Variants in FGD5 observed in about 807,000 individuals in gnomAD.
FGD5 encodes the protein FYVE, RhoGEF and PH domain containing 5, also known as FYVE, RhoGEF and PH domain-containing protein 5.
In FGD5, 28 loss-of-function variants were observed where a neutral mutation model predicts 133.4. That is an observed-to-expected ratio of 0.21 (90% CI 0.16 to 0.29). The LOEUF (loss-of-function observed/expected upper bound fraction) is 0.29, where lower values mean the gene tolerates loss of function less well. Ranked by LOEUF, FGD5 falls within the 10% of genes least tolerant of loss-of-function variation. The pLI, the probability that FGD5 is intolerant of heterozygous loss-of-function variation, is 1.00. For synonymous variants in FGD5, 810 were observed against 776.5 expected, an observed-to-expected ratio of 1.04 and a Z score of -0.72; for missense variants, 1,858 against 1,895.2, an observed-to-expected ratio of 0.98 and a Z score of 0.36.
chr3:14,815,829 CG>C (rs1381953847), upstream of FGD5, among the ~76,000 whole-genome samples: 2 of 152,170 alleles, frequency 1.3e-5, no homozygotes, highest in Non-Finnish European at 2.9e-5. Context: ...ACTAGAAAGC[CG>C]GAAACGCAGG....
intron 1 of FGD5, among the ~76,000 whole-genome samples, chr3:14,855,085 G>A (rs1237690437): frequency 6.6e-6 from 1 of 151,806 alleles, no homozygotes; most frequent in African/African-American, 2.4e-5. Context: ...CTTTTTTTTA[G>A]TTTCCACATA....
rs1331246270 is a variant in FGD5 at position 14,819,227 on chromosome 3, C to A, written c.156C>A (p.Ser52=). ...GGGGGCTTGATGAGGGGCCCCGGTC[C>A]ATCCCAAAGTGCTCTGAGTCGGAGA... The part of the protein sequence containing the change: ...VDRGLDEGPR[S]IPKCSESETD... The change falls in exon 1 of 20, where the codon TCC becomes TCA. Residue 52 remains serine (S), a synonymous_variant. Transcript: ENST00000285046. This position sits in a 1 kb window ranked among gnomAD's most constrained non-coding sequence, Gnocchi z 4.1. The A allele has an allele frequency of 2.3e-5, 35 of 1,546,216 alleles. No homozygotes were observed. Among genetic ancestry groups the A allele is most frequent in the Non-Finnish European group, 3.0e-5 (34 of 1,144,978 alleles).
chr3:14,900,881 TG>T lies in FGD5; in HGVS notation c.3206-121del, dbSNP rs2038225629. 2.9e-6 allele frequency: 3 copies of T among 1,043,830 alleles called. No homozygotes were observed. The African/African-American group carries it at 4.7e-5, about 16-fold the overall frequency. 64.7% of individuals were successfully genotyped at this position (1,043,830 alleles called of 1,614,324 possible). A position where few individuals can be genotyped will look rare whatever the true frequency, so the allele number is the denominator to read the frequency against. On this transcript the variant is annotated intron_variant, in intron 8 of 19. Coordinates refer to ENST00000285046, the MANE Select transcript of FGD5 (RefSeq NM_152536.4). ...GCATGCATGACAGTGGTCAAATCAC[TG>T]TCAAGGTCACCTAGGCAGTAGTGGC...
At chr3:14,847,121 A>C (rs1467158338) in intron 1 of FGD5, among the ~76,000 whole-genome samples, 1 of 152,192 alleles carries the variant, frequency 6.6e-6, no homozygotes, top group Non-Finnish European at 1.5e-5. Context: ...CAGATTATTA[A>C]CACCATACTG....
intron 1 of FGD5, among the ~76,000 whole-genome samples, chr3:14,846,606 C>T (rs907809938): frequency 1.3e-5 from 2 of 152,228 alleles, no homozygotes; most frequent in East Asian, 3.9e-4. Context: ...CCTGACATGT[C>T]CCTGTGCTGG....
rs2038366430 is a variant in FGD5 at position 14,907,689 on chromosome 3, G to C, written c.3314G>C (p.Gly1105Ala). ...VHIEHSVRGQ[G>A]DLLQPGREFL... ...ATTGAGCACAGCGTCCGGGGCCAAG[G>C]GGATCTCCTCCAGCCAGGAAGGGTG... Residue 1105 changes from glycine (G) to alanine (A), a missense_variant, in exon 10 of 20, where the codon GGG becomes GCG. By Grantham distance (60) the Gly-to-Ala change is moderately conservative (BLOSUM62 0). Around this residue, in one of 3 missense-constraint regions of FGD5, gnomAD observed 1,824 missense variants for 1,848.9 expected, o/e 0.99. Transcript: ENST00000285046. The C allele has an allele frequency of 2.5e-6, 4 of 1,613,604 alleles. No homozygotes were observed. Among genetic ancestry groups the C allele is most frequent in the Non-Finnish European group, 3.4e-6 (4 of 1,179,744 alleles).
At chr3:14,869,263 T>C (rs4685222) in intron 2 of FGD5, among the ~76,000 whole-genome samples, 103,740 of 151,934 alleles carry the variant, frequency 0.68, 35,679 homozygotes, top group African/African-American at 0.77. Flanking sequence ...CACTGCACTC[T>C]AACCTGGGCG....
Position 14,934,180 on chromosome 3 carries a change from T to C in FGD5, c.*1013T>C, listed in dbSNP as rs576075502. ...GAGAAAACAAGTTAGACTCCAAAGG[T>C]GAATTCCTGGTCTTGGCAGATGGCT... On this transcript the variant is annotated 3_prime_UTR_variant, in exon 20 of 20. Coordinates refer to ENST00000285046, the MANE Select transcript of FGD5 (RefSeq NM_152536.4). The C allele has an allele frequency of 1.3e-5, 2 of 152,248 alleles. No individual in the cohort carries two copies. Among genetic ancestry groups the C allele is most frequent in the South Asian group, 4.1e-4 (2 of 4,820 alleles). The allele number at this position is 152,248 out of a possible 1,614,324, so 9.4% of individuals were successfully genotyped here.
chr3:14,930,124 T>C (rs1167395023), intron 18 of FGD5, among the ~76,000 whole-genome samples: 2 of 152,226 alleles, frequency 1.3e-5, no homozygotes, highest in Non-Finnish European at 2.9e-5. Context: ...ATTGGATTGC[T>C]TCAGTGTCTT....
At chr3:14,907,369 C>T (rs937841283) in intron 9 of FGD5, among the ~76,000 whole-genome samples, 18 of 152,156 alleles carry the variant, frequency 1.2e-4, no homozygotes, top group African/African-American at 3.9e-4. Flanking sequence ...GCTTAGAGAG[C>T]GTAGGAGCAG....
intron 1 of FGD5, among the ~76,000 whole-genome samples, chr3:14,851,601 C>G (rs2037166416): frequency 6.6e-6 from 1 of 152,184 alleles, no homozygotes; most frequent in Non-Finnish European, 1.5e-5. Flanking sequence ...AAAGACAGAG[C>G]CTGAGACACC....
intron 1 of FGD5, among the ~76,000 whole-genome samples, chr3:14,845,287 C>T (rs2037028686): frequency 6.6e-6 from 1 of 152,192 alleles, no homozygotes; most frequent in South Asian, 2.1e-4. Flanking sequence ...AACTTGCTGG[C>T]CACATCGACC....
intron 1 of FGD5, among the ~76,000 whole-genome samples, chr3:14,862,422 T>C (rs1460323063): frequency 6.6e-6 from 1 of 152,086 alleles, no homozygotes; most frequent in Non-Finnish European, 1.5e-5. Context: ...GCCGAACAGG[T>C]GAGTTGTCCC....
chr3:14,860,491 C>T (rs1373726812), intron 1 of FGD5, among the ~76,000 whole-genome samples: 1 of 152,096 alleles, frequency 6.6e-6, no homozygotes, highest in Non-Finnish European at 1.5e-5. Flanking sequence ...TTCTGGAAAA[C>T]AGAATCAGAT....
chr3:14,855,861 A>G (rs1171605006), intron 1 of FGD5, among the ~76,000 whole-genome samples: 3 of 152,086 alleles, frequency 2.0e-5, no homozygotes, highest in African/African-American at 7.2e-5. Context: ...CCTTTGCTGT[A>G]CAGATGCTTT....
rs1364436326 is a variant in FGD5, at chr3:14,901,012, G to A, written c.3215G>A (p.Ser1072Asn). 2.5e-6 allele frequency: 4 copies of A among 1,614,030 alleles called. No homozygotes were observed. Among genetic ancestry groups the A allele is most frequent in the Admixed American group, 3.3e-5 (2 of 60,032 alleles). Residue 1072 changes from serine (S) to asparagine (N), a missense_variant, in exon 9 of 20, where the codon AGC becomes AAC. Ser to Asn is a conservative substitution (Grantham distance 46). Coordinates refer to ENST00000285046, the MANE Select transcript of FGD5 (RefSeq NM_152536.4). ...CTGTGTCCCTCCCCAGGTGCACTGA[G>A]CCTCATCTCCAAAGTCACAGACCGT... ...AEYDNTQGAL[S>N]LISKVTDRAN...
At chr3:14,909,526 AC>A (rs1319087424) in intron 10 of FGD5, among the ~76,000 whole-genome samples, 1 of 152,254 alleles carries the variant, frequency 6.6e-6, no homozygotes, top group Non-Finnish European at 1.5e-5. Flanking sequence ...CATCTGAAAT[AC>A]CATGACAGAT....
At chr3:14,884,334 C>T (rs2125120868) in intron 4 of FGD5, among the ~76,000 whole-genome samples, 1 of 152,292 alleles carries the variant, frequency 6.6e-6, no homozygotes, top group African/African-American at 2.4e-5. Context: ...AAGTTGTCAC[C>T]ATCCTGCCCC....
At position 14,932,424 on chromosome 3, in the gene FGD5, A is replaced by T. The variant is rs975574724; in HGVS notation, c.4198-153A>T. On this transcript the variant is annotated intron_variant, in intron 18 of 19. Transcript: ENST00000285046. The stretch of plus-strand genomic sequence containing the variant: ...TTCCTCAGGGCTGGCTCTGGGGGGA[A>T]GCGAGGGTCAACAGTTTGTGTGTGG... The T allele has an allele frequency of 2.3e-5, 18 of 787,656 alleles. No homozygotes were observed. In the African/African-American group the frequency reaches 3.0e-4, roughly 13 times the overall value. 48.8% of individuals were successfully genotyped at this position (787,656 alleles called of 1,614,324 possible). A position where few individuals can be genotyped will look rare whatever the true frequency, so the allele number is the denominator to read the frequency against.
Sources: gnomAD v4.1 joint callset for allele counts (sites outside exome capture counted in the v4.1 genomes callset) on GRCh38, gnomAD v4.1.1 for gene constraint, gnomAD v4.1.1 regional missense constraint, Gnocchi (gnomAD v3.1) non-coding constraint, MANE v1.5 for transcripts, NCBI Gene and HGNC (gene_info 2026-07-23, HGNC 2026-07-21) for gene names.